The following ADCY2 variants were observed in gnomAD, a reference collection of about 807,000 sequenced individuals.
ADCY2 encodes adenylate cyclase 2.
ADCY2 carries 31 observed loss-of-function variants against 125.2 expected under a neutral mutation model. The ratio of observed to expected loss-of-function variants is 0.25; its 90% CI spans 0.19 to 0.33. ADCY2 has a LOEUF of 0.33. ADCY2 is among the 10% of genes least tolerant of loss of function. ADCY2 has a pLI of 1.00. For synonymous variants in ADCY2, 512 were observed against 548.4 expected (o/e 0.93, Z 0.93); for missense variants, 904 against 1,418.2 (o/e 0.64, Z 5.82).
intron 2 of ADCY2, among the ~76,000 whole-genome samples, chr5:7,519,635 C>T (rs781181846): frequency 6.6e-6 from 1 of 152,136 alleles, no homozygotes; most frequent in Non-Finnish European, 1.5e-5. Context: ...CCAAACATTT[C>T]TTTGAGAGGT....
intron 4 of ADCY2, among the ~76,000 whole-genome samples, chr5:7,647,806 A>G (rs1352748069): frequency 1.3e-5 from 2 of 152,208 alleles, no homozygotes; most frequent in Non-Finnish European, 2.9e-5. Flanking sequence ...CATCAATCCT[A>G]TCTGCTGTAG....
chr5:7,450,013 C>T (rs1205896464), intron 2 of ADCY2, among the ~76,000 whole-genome samples: 2 of 152,174 alleles, frequency 1.3e-5, no homozygotes, highest in Non-Finnish European at 2.9e-5. Flanking sequence ...AGCTGTTCTC[C>T]ATCTCCCTCC....
intron 3 of ADCY2, among the ~76,000 whole-genome samples, chr5:7,616,186 G>T (rs751077339): frequency 1.3e-5 from 2 of 152,114 alleles, no homozygotes; most frequent in Non-Finnish European, 2.9e-5. Flanking sequence ...TTTTATTTTT[G>T]CAATTAGTTT....
chr5:7,749,592 C>T (rs1051017522), intron 15 of ADCY2: 1 of 152,104 alleles, frequency 6.6e-6, no homozygotes, highest in African/African-American at 2.4e-5. Flanking sequence ...GCAGACTTAC[C>T]TTTCTATGAT....
chr5:7,805,127 G>C (rs573006762), intron 22 of ADCY2, among the ~76,000 whole-genome samples: 164 of 151,368 alleles, frequency 1.1e-3, no homozygotes, highest in African/African-American at 3.8e-3. Flanking sequence ...ACCAACCTGG[G>C]CAACATAGTG....
At chr5:7,551,828 GA>G (rs1341726085) in intron 3 of ADCY2, among the ~76,000 whole-genome samples, 6 of 152,138 alleles carry the variant, frequency 3.9e-5, no homozygotes, top group Non-Finnish European at 8.8e-5. Flanking sequence ...TTAACTGGTT[GA>G]AAAAGATTTG....
At chr5:7,487,646 G>A (rs1442825168) in intron 2 of ADCY2, among the ~76,000 whole-genome samples, 1 of 152,098 alleles carries the variant, frequency 6.6e-6, no homozygotes, top group Non-Finnish European at 1.5e-5. Flanking sequence ...TTGTTCAGTG[G>A]CAAAGCACTT....
In ADCY2 at chr5:7,491,604, A is replaced by C. The variant is rs921530091; in HGVS notation, c.409-29134A>C. Reference sequence around the variant, plus strand: ...CTTTTTGTGCATTATATATAGAAAAACAGTTTATATAATTTTGGTAGATAA... The same window carrying C: ...CTTTTTGTGCATTATATATAGAAAACCAGTTTATATAATTTTGGTAGATAA... On this transcript the variant is annotated intron_variant, in intron 2 of 24. Coordinates refer to ENST00000338316, the MANE Select transcript of ADCY2 (RefSeq NM_020546.3). Among the ~76,000 whole-genome samples, 11 of 152,266 alleles carry C rather than the reference A, an allele frequency of 7.2e-5. 1 individual carries two copies. The South Asian group carries it at 2.3e-3, about 32-fold the overall frequency.
rs1444489998 is a variant in ADCY2 at position 7,706,781 on chromosome 5, C to T, written c.1147C>T (p.Arg383Cys). Residue 383 changes from arginine to cysteine, a missense_variant, in exon 8 of 25, where the codon CGC becomes TGC. Arg to Cys is a radical substitution (Grantham distance 180). Around this residue, in one of 7 missense-constraint regions of ADCY2, gnomAD observed 117 missense variants for 248.0 expected, o/e 0.47. Coordinates refer to ENST00000338316, the MANE Select transcript of ADCY2 (RefSeq NM_020546.3). ...RDATGVDINMRVGVHSGNVLC... is the reference protein window; with the variant it reads ...RDATGVDINMCVGVHSGNVLC... The stretch of plus-strand genomic sequence containing the variant: ...TGCTACTGGAGTTGATATCAACATG[C>T]GCGTGGGCGTGCATTCTGGGAATGT... 1 of 1,614,058 alleles carries T rather than the reference C, an allele frequency of 6.2e-7. No homozygotes were observed. The highest frequency in any genetic ancestry group is 8.5e-7 in the Non-Finnish European group (1 of 1,180,044).
intron 12 of ADCY2, among the ~76,000 whole-genome samples, chr5:7,717,840 C>T (rs1000019598): frequency 1.3e-5 from 2 of 152,188 alleles, no homozygotes; most frequent in Non-Finnish European, 2.9e-5. Flanking sequence ...TCATGTTCTC[C>T]TTGGGTACGT....
chr5:7,493,837 C>G (rs1743252856), intron 2 of ADCY2, among the ~76,000 whole-genome samples: 1 of 152,144 alleles, frequency 6.6e-6, no homozygotes, highest in Admixed American at 6.5e-5. Flanking sequence ...TCTAGCAACC[C>G]TGGCCTAGGG....
At chr5:7,553,021 G>C (rs969368769) in intron 3 of ADCY2, among the ~76,000 whole-genome samples, 1 of 152,022 alleles carries the variant, frequency 6.6e-6, no homozygotes, top group Admixed American at 6.6e-5. Flanking sequence ...ACCACTTTTT[G>C]TTTCTTTCAG....
At chr5:7,403,071 TG>T (rs1739328596) in intron 1 of ADCY2, among the ~76,000 whole-genome samples, 1 of 152,198 alleles carries the variant, frequency 6.6e-6, no homozygotes, top group Admixed American at 6.5e-5. Context: ...TCAAAGGTGC[TG>T]GTTTTTATTC....
intron 4 of ADCY2, among the ~76,000 whole-genome samples, chr5:7,631,236 A>G (rs539060158): frequency 1.3e-5 from 2 of 152,300 alleles, no homozygotes; most frequent in South Asian, 2.1e-4. Flanking sequence ...CTTTAATTTA[A>G]TCACATCCAC....
chr5:7,446,257 T>A (rs1362914004), intron 2 of ADCY2, among the ~76,000 whole-genome samples: 1 of 152,234 alleles, frequency 6.6e-6, no homozygotes, highest in Non-Finnish European at 1.5e-5. Context: ...ATAGATCATT[T>A]AATATCTTCA....
At chr5:7,787,999 G>A (rs1355891011) in intron 19 of ADCY2, among the ~76,000 whole-genome samples, 1 of 151,510 alleles carries the variant, frequency 6.6e-6, no homozygotes, top group Non-Finnish European at 1.5e-5. Context: ...CCCACCACTT[G>A]TTGCATCTAT....
At chr5:7,495,825 C>T (rs1291250030) in intron 2 of ADCY2, among the ~76,000 whole-genome samples, 1 of 152,144 alleles carries the variant, frequency 6.6e-6, no homozygotes. Flanking sequence ...GATTTGGAGG[C>T]ACTTTCAATG....
chr5:7,690,717 G>T lies in ADCY2; in HGVS notation c.747G>T (p.Pro249=), dbSNP rs566059861. The change falls in exon 5 of 25, where the codon CCG becomes CCT. Residue 249 remains proline, a synonymous_variant. Coordinates refer to ENST00000338316, the MANE Select transcript of ADCY2 (RefSeq NM_020546.3). ...QQERLLLSLL[P]AHIAMEMKAE... is the part of the protein sequence containing the mutation. ...AGCGGCTTCTGCTCTCCCTGCTGCCGGCCCACATCGCCATGGAGATGAAAG... is the reference window on the plus strand; with the variant it reads ...AGCGGCTTCTGCTCTCCCTGCTGCCTGCCCACATCGCCATGGAGATGAAAG... 2.5e-6 allele frequency: 4 copies of T among 1,600,510 alleles called. No homozygotes were observed. Among genetic ancestry groups the T allele is most frequent in the Non-Finnish European group, 3.4e-6 (4 of 1,174,700 alleles).
At chr5:7,586,235 C>T (rs936800356) in intron 3 of ADCY2, among the ~76,000 whole-genome samples, 2 of 151,972 alleles carry the variant, frequency 1.3e-5, no homozygotes, top group Admixed American at 6.6e-5. Context: ...TCTGGCAAAC[C>T]GATATGATAA....
Sources: allele counts gnomAD v4.1 joint callset (sites outside exome capture counted in the v4.1 genomes callset), GRCh38; gene constraint gnomAD v4.1.1; regional missense constraint gnomAD v4.1.1; transcripts MANE v1.5; gene names NCBI Gene and HGNC (gene_info 2026-07-23, HGNC 2026-07-21).